Variants in TENM3 observed in about 807,000 individuals in gnomAD.
TENM3 encodes the protein teneurin-3.
In TENM3, 63 loss-of-function variants were observed where a neutral mutation model predicts 255.1. The ratio of observed to expected loss-of-function variants is 0.25; its 90% CI spans 0.20 to 0.30. The LOEUF is 0.30. Ranked by LOEUF, TENM3 falls within the 10% of genes least tolerant of loss-of-function variation. The pLI is 1.00. For missense variants in TENM3, 2,929 were observed against 3,461.1 expected (o/e 0.85, Z 3.86); for synonymous variants, 1,306 against 1,322.3 (o/e 0.99, Z 0.27).
chr4:181,536,770 C>T, the TENM3 span, among the ~76,000 whole-genome samples: 1 of 152,110 alleles, frequency 6.6e-6, no homozygotes, highest in African/African-American at 2.4e-5. Context: ...CTCTAGTGTG[C>T]AGAATTATTC....
chr4:181,461,625 A>G, the TENM3 span, among the ~76,000 whole-genome samples: 4 of 152,050 alleles, frequency 2.6e-5, no homozygotes, highest in South Asian at 2.1e-4. Context: ...AGTTTTTTCT[A>G]TTGCAATGTA....
intron 3 of TENM3, among the ~76,000 whole-genome samples, chr4:182,368,439 G>A (rs1766573902): frequency 6.6e-6 from 1 of 152,162 alleles, no homozygotes; most frequent in African/African-American, 2.4e-5. Context: ...GAATCCAGTA[G>A]TTTTTATTGT....
the TENM3 span, among the ~76,000 whole-genome samples, chr4:181,706,429 G>A: frequency 6.6e-6 from 1 of 152,088 alleles, no homozygotes; most frequent in Non-Finnish European, 1.5e-5. Flanking sequence ...TCCATAGACT[G>A]GTTGTGACTG....
chr4:181,875,421 A>ATTTTT, the TENM3 span, among the ~76,000 whole-genome samples: 80 of 147,888 alleles, frequency 5.4e-4, no homozygotes, highest in East Asian at 4.2e-3. Context: ...TTAGGAACCT[A>ATTTTT]TTTTTTTTTT....
the TENM3 span, among the ~76,000 whole-genome samples, chr4:181,839,386 C>CAT: frequency 3.0e-3 from 134 of 44,098 alleles, 6 homozygotes; most frequent in African/African-American, 0.012. Flanking sequence ...TATATATATA[C>CAT]ACCTATATAC....
the TENM3 span, among the ~76,000 whole-genome samples, chr4:181,828,650 A>G: frequency 6.6e-6 from 1 of 152,060 alleles, no homozygotes; most frequent in African/African-American, 2.4e-5. Flanking sequence ...GTGCAGTGGC[A>G]CCATCTCAGC....
the TENM3 span, among the ~76,000 whole-genome samples, chr4:181,972,959 G>A: frequency 1.3e-5 from 2 of 152,150 alleles, no homozygotes; most frequent in African/African-American, 4.8e-5. Flanking sequence ...TGCAGTGGAG[G>A]TGTTAAGCAG....
chr4:181,719,764 T>C, the TENM3 span, among the ~76,000 whole-genome samples: 4 of 152,212 alleles, frequency 2.6e-5, no homozygotes, highest in African/African-American at 7.2e-5. Context: ...TTGTAAGCAA[T>C]AGTCTCTATC....
At chr4:181,977,422 G>A in the TENM3 span, among the ~76,000 whole-genome samples, 21 of 152,264 alleles carry the variant, frequency 1.4e-4, no homozygotes, top group African/African-American at 4.6e-4. Context: ...AGCCCATCCT[G>A]TTTCTAGTGT....
At chr4:181,845,417 T>C in the TENM3 span, among the ~76,000 whole-genome samples, 12 of 152,256 alleles carry the variant, frequency 7.9e-5, no homozygotes, top group African/African-American at 2.9e-4. Flanking sequence ...TTGTTTTAAA[T>C]GCTAGAATGT....
At chr4:181,938,459 A>C in the TENM3 span, among the ~76,000 whole-genome samples, 16 of 152,354 alleles carry the variant, frequency 1.1e-4, no homozygotes, top group South Asian at 3.3e-3. Flanking sequence ...CACAACAAGC[A>C]TATGATATTT....
the TENM3 span, among the ~76,000 whole-genome samples, chr4:181,641,127 T>G: frequency 6.6e-6 from 1 of 152,134 alleles, no homozygotes; most frequent in African/African-American, 2.4e-5. Flanking sequence ...GATTATCTTT[T>G]TTTCTATATT....
intron 4 of TENM3, among the ~76,000 whole-genome samples, chr4:182,617,444 G>C (rs1250109856): frequency 2.0e-5 from 3 of 152,166 alleles, no homozygotes; most frequent in African/African-American, 7.2e-5. Flanking sequence ...TAATCCACAA[G>C]TGTGGGATTC....
intron 3 of TENM3, among the ~76,000 whole-genome samples, chr4:182,402,066 C>T (rs749056833): frequency 1.3e-5 from 2 of 152,172 alleles, no homozygotes; most frequent in East Asian, 1.9e-4. Flanking sequence ...GGCAGACCCA[C>T]GTGGCAGCGT....
At chr4:182,162,595 C>T (rs1192292876) in intron 1 of TENM3, among the ~76,000 whole-genome samples, 1 of 152,158 alleles carries the variant, frequency 6.6e-6, no homozygotes, top group African/African-American at 2.4e-5. Context: ...AACAAGACAC[C>T]TGAGACTAGA....
At chr4:182,358,577 A>G (rs1765727861) in intron 3 of TENM3, among the ~76,000 whole-genome samples, 1 of 152,042 alleles carries the variant, frequency 6.6e-6, no homozygotes. Context: ...TTGTATCCTG[A>G]GACTTTGCTG....
chr4:182,432,298 T>G (rs903293789), intron 3 of TENM3, among the ~76,000 whole-genome samples: 2 of 152,318 alleles, frequency 1.3e-5, no homozygotes, highest in South Asian at 2.1e-4. Flanking sequence ...TTCACTATTT[T>G]GTTGGACATC....
the TENM3 span, among the ~76,000 whole-genome samples, chr4:181,450,834 A>T: frequency 2.0e-5 from 3 of 152,222 alleles, no homozygotes; most frequent in African/African-American, 7.2e-5. Context: ...CTACTGTAAT[A>T]ATTTTCACTT....
intron 1 of TENM3, among the ~76,000 whole-genome samples, chr4:182,289,958 C>T (rs1761004345): frequency 6.6e-6 from 1 of 152,128 alleles, no homozygotes; most frequent in Non-Finnish European, 1.5e-5. Context: ...CTGTGGATAC[C>T]TCATTCCTCT....
Sources: allele counts gnomAD v4.1 joint callset (sites outside exome capture counted in the v4.1 genomes callset), GRCh38; gene constraint gnomAD v4.1.1; transcripts MANE v1.5; gene names NCBI Gene and HGNC (gene_info 2026-07-23, HGNC 2026-07-21).